The following CDH12 variants were observed in gnomAD, a reference collection of about 807,000 sequenced individuals.
The protein encoded by CDH12 is cadherin 12.
Under a neutral mutation model 74.1 loss-of-function variants are expected in CDH12, and 41 were observed. The ratio of observed to expected loss-of-function variants is 0.55; its 90% CI spans 0.43 to 0.72. The LOEUF (loss-of-function observed/expected upper bound fraction) is 0.72, where lower values mean the gene tolerates loss of function less well. Ranked by LOEUF, CDH12 falls within the 30% of genes least tolerant of loss-of-function variation. The probability of loss-of-function intolerance (pLI) is 0.00; values close to 1 mark genes in which losing one functional copy is unlikely to be tolerated. For synonymous variants in CDH12, 399 were observed against 355.0 expected (o/e 1.12, Z -1.39); for missense variants, 945 against 977.2 (o/e 0.97, Z 0.44).
At chr5:22,490,579 AT>A (rs1471346908) in intron 2 of CDH12, among the ~76,000 whole-genome samples, 2 of 151,790 alleles carry the variant, frequency 1.3e-5, no homozygotes, top group Non-Finnish European at 2.9e-5. Context: ...AAAAAAAAAA[AT>A]AAGGCTCTCT....
intron 2 of CDH12, among the ~76,000 whole-genome samples, chr5:22,442,606 C>A (rs1744670694): frequency 6.6e-6 from 1 of 152,188 alleles, no homozygotes; most frequent in African/African-American, 2.4e-5. Flanking sequence ...CCTTTGTGAT[C>A]ACCCTGTTTT....
At chr5:22,516,693 A>T (rs997888729) in intron 1 of CDH12, among the ~76,000 whole-genome samples, 2 of 151,964 alleles carry the variant, frequency 1.3e-5, no homozygotes, top group Non-Finnish European at 2.9e-5. Context: ...TACTAGCGAG[A>T]CTGGAGTGGG....
At chr5:22,639,608 A>G (rs566046050) in intron 1 of CDH12, among the ~76,000 whole-genome samples, 6 of 152,162 alleles carry the variant, frequency 3.9e-5, no homozygotes, top group African/African-American at 1.2e-4. Flanking sequence ...TGAACGTGCT[A>G]GTTTACGAGA....
At chr5:22,052,092 C>T (rs1019715075) in intron 5 of CDH12, among the ~76,000 whole-genome samples, 8 of 152,140 alleles carry the variant, frequency 5.3e-5, no homozygotes, top group Non-Finnish European at 1.0e-4. Context: ...TCATTTACCC[C>T]TTGGTTAAAA....
intron 3 of CDH12, among the ~76,000 whole-genome samples, chr5:22,260,096 A>G (rs1753455679): frequency 6.6e-6 from 1 of 152,086 alleles, no homozygotes; most frequent in Non-Finnish European, 1.5e-5. Context: ...ATCCTTTACA[A>G]TTGGATCATA....
chr5:22,438,322 T>A (rs942073126), intron 2 of CDH12, among the ~76,000 whole-genome samples: 1 of 152,038 alleles, frequency 6.6e-6, no homozygotes, highest in Non-Finnish European at 1.5e-5. Context: ...AATTCTGACT[T>A]AATCATTGTA....
chr5:22,364,427 A>G (rs1241491636), intron 3 of CDH12, among the ~76,000 whole-genome samples: 3 of 152,194 alleles, frequency 2.0e-5, no homozygotes. Context: ...TCTCCTGGAA[A>G]TTAACTTACT....
chr5:21,933,134 A>G (rs1349048089), intron 6 of CDH12, among the ~76,000 whole-genome samples: 1 of 152,122 alleles, frequency 6.6e-6, no homozygotes, highest in Non-Finnish European at 1.5e-5. Flanking sequence ...TAATATTTAG[A>G]TCACAATCAC....
At chr5:21,897,669 G>C (rs948440992) in intron 6 of CDH12, among the ~76,000 whole-genome samples, 4 of 152,082 alleles carry the variant, frequency 2.6e-5, no homozygotes, top group Non-Finnish European at 5.9e-5. Context: ...CAATAAAACT[G>C]CTTTTATAGT....
At chr5:21,912,276 CA>C (rs1753889831) in intron 6 of CDH12, among the ~76,000 whole-genome samples, 1 of 150,624 alleles carries the variant, frequency 6.6e-6, no homozygotes, top group South Asian at 2.1e-4. Flanking sequence ...AAATGAGAAA[CA>C]GAATGGAAAT....
At chr5:22,195,185 A>AGG (rs1750550559) in intron 4 of CDH12, among the ~76,000 whole-genome samples, 1 of 152,234 alleles carries the variant, frequency 6.6e-6, no homozygotes, top group African/African-American at 2.4e-5. Context: ...AATCAGTGAC[A>AGG]GGGCAATGTC....
chr5:22,053,116 T>C (rs1402857008), intron 5 of CDH12, among the ~76,000 whole-genome samples: 1 of 151,892 alleles, frequency 6.6e-6, no homozygotes, highest in African/African-American at 2.4e-5. Flanking sequence ...GAAGAATGCC[T>C]GAAGTACCAC....
chr5:22,244,908 T>C (rs1045400284), intron 3 of CDH12, among the ~76,000 whole-genome samples: 3 of 151,954 alleles, frequency 2.0e-5, no homozygotes, highest in Non-Finnish European at 4.4e-5. Flanking sequence ...TATTTGAGTA[T>C]AGACCCAGCA....
chr5:22,708,739 A>G (rs1743147719), intron 1 of CDH12, among the ~76,000 whole-genome samples: 1 of 152,230 alleles, frequency 6.6e-6, no homozygotes, highest in African/African-American at 2.4e-5. Flanking sequence ...GACACAGACC[A>G]CAGATATTGA....
intron 2 of CDH12, among the ~76,000 whole-genome samples, chr5:22,431,339 G>A (rs141601643): frequency 0.01 from 1,552 of 152,196 alleles, 12 homozygotes; most frequent in Non-Finnish European, 0.011. Context: ...TAGTGGCAAC[G>A]TAGCCATCAT....
intron 1 of CDH12, among the ~76,000 whole-genome samples, chr5:22,569,087 T>C (rs770520334): frequency 1.2e-4 from 19 of 152,224 alleles, no homozygotes; most frequent in Admixed American, 3.3e-4. Context: ...CATATGATAC[T>C]GTTCAATAGC....
intron 3 of CDH12, among the ~76,000 whole-genome samples, chr5:22,226,889 G>A (rs185440286): frequency 2.0e-5 from 3 of 151,984 alleles, no homozygotes; most frequent in African/African-American, 4.8e-5. Context: ...CTTAGAACTG[G>A]CCTCTTTCTT....
At chr5:22,013,333 G>A (rs1388084086) in intron 5 of CDH12, among the ~76,000 whole-genome samples, 1 of 152,014 alleles carries the variant, frequency 6.6e-6, no homozygotes, top group East Asian at 1.9e-4. Flanking sequence ...GAACAGCAAG[G>A]GGCAAACCAC....
chr5:22,512,471 A>C (rs1439057823), intron 1 of CDH12, among the ~76,000 whole-genome samples: 1 of 152,202 alleles, frequency 6.6e-6, no homozygotes, highest in African/African-American at 2.4e-5. Context: ...TGCTTCAACA[A>C]GACCCAGGGC....
Sources: gnomAD v4.1 joint callset for allele counts (sites outside exome capture counted in the v4.1 genomes callset) on GRCh38, gnomAD v4.1.1 for gene constraint, MANE v1.5 for transcripts, NCBI Gene and HGNC (gene_info 2026-07-23, HGNC 2026-07-21) for gene names.